Variants in VSIR observed in about 807,000 individuals in gnomAD.
VSIR encodes V-type immunoglobulin domain-containing suppressor of T-cell activation.
A neutral mutation model predicts 31.0 loss-of-function variants in VSIR; 10 were observed. The observed-to-expected ratio is 0.32, with a 90% confidence interval of 0.20 to 0.55. The LOEUF (loss-of-function observed/expected upper bound fraction) is 0.55, where lower values mean the gene tolerates loss of function less well. VSIR is among the 20% of genes least tolerant of loss of function. The pLI is 0.93. For synonymous variants in VSIR, 179 were observed against 180.1 expected (o/e 0.99, Z 0.05); for missense variants, 356 against 416.2 (o/e 0.86, Z 1.26).
At chr10:71,752,835 G>A in intron 5 of VSIR, 140 bp downstream of exon 5, 3 of 1,025,136 alleles carry the variant, frequency 2.9e-6, no homozygotes, top group Non-Finnish European at 4.2e-6. Flanking sequence ...GCACAGATGT[G>A]CAGGCTTCAG....
At chr10:71,758,395 G>A (rs1354890181) in intron 3 of VSIR, among the ~76,000 whole-genome samples, 1 of 152,168 alleles carries the variant, frequency 6.6e-6, no homozygotes, top group Admixed American at 6.5e-5. Flanking sequence ...GAGGGGTGTG[G>A]AAGCCAAGAC....
chr10:71,771,450 G>A (rs905218052), intron 1 of VSIR, among the ~76,000 whole-genome samples: 4 of 152,180 alleles, frequency 2.6e-5, no homozygotes, highest in African/African-American at 4.8e-5. Flanking sequence ...CCAGCACCTC[G>A]GCAGGCTGGT....
intron 3 of VSIR, among the ~76,000 whole-genome samples, chr10:71,759,973 A>C (rs1180254174): frequency 4.2e-5 from 4 of 95,410 alleles, no homozygotes; most frequent in Admixed American, 1.1e-4. Flanking sequence ...ATATATATAC[A>C]CACACACATA....
At chr10:71,767,096 T>C (rs1306236745) in intron 1 of VSIR, among the ~76,000 whole-genome samples, 1 of 152,236 alleles carries the variant, frequency 6.6e-6, no homozygotes, top group Non-Finnish European at 1.5e-5. Flanking sequence ...GACCTGTGCC[T>C]GAGATTTCTA....
chr10:71,760,550 G>A (rs1358710421), intron 3 of VSIR: 1 of 256,958 alleles, frequency 3.9e-6, no homozygotes. Context: ...GGGGCTGGTG[G>A]GCAGGGCGGC....
chr10:71,761,745 C>G lies in VSIR; in HGVS notation c.364G>C (p.Ala122Pro). The G allele has an allele frequency of 2.5e-6, 4 of 1,614,122 alleles. No homozygotes were observed. In the South Asian group the frequency reaches 4.4e-5, roughly 18 times the overall value. The change falls in exon 2 of 7, where the codon GCC becomes CCC. Residue 122 changes from alanine to proline, a missense_variant. Ala to Pro is a conservative substitution (Grantham distance 27, BLOSUM62 -1). Coordinates refer to ENST00000394957, the MANE Select transcript of VSIR (RefSeq NM_022153.2). ...DLAQRHGLES[A>P]SDHHGNFSIT... The stretch of plus-strand genomic sequence containing the variant: ...GAGAAGTTGCCATGGTGGTCGGAGG[C>G]CGACTCCAGCCCGTGGCGCTGAGCC...
chr10:71,762,153 C>A, intron 1 of VSIR, 127 bp from the exon 2 acceptor site: 4 of 1,093,632 alleles, frequency 3.7e-6, no homozygotes, highest in Non-Finnish European at 2.5e-6. Flanking sequence ...CAGCTGACCT[C>A]CCTAAGACTG....
intron 1 of VSIR, among the ~76,000 whole-genome samples, chr10:71,762,798 A>G (rs1840428697): frequency 6.6e-6 from 1 of 152,240 alleles, no homozygotes; most frequent in Non-Finnish European, 1.5e-5. Context: ...GACAGAGAGT[A>G]TATGAAAGGT....
At chr10:71,771,450 G>C (rs905218052) in intron 1 of VSIR, among the ~76,000 whole-genome samples, 1 of 152,180 alleles carries the variant, frequency 6.6e-6, no homozygotes, top group Admixed American at 6.5e-5. Flanking sequence ...CCAGCACCTC[G>C]GCAGGCTGGT....
chr10:71,767,501 C>G (rs1840579041), intron 1 of VSIR, among the ~76,000 whole-genome samples: 1 of 152,210 alleles, frequency 6.6e-6, no homozygotes, highest in Non-Finnish European at 1.5e-5. Context: ...ACAGGACATC[C>G]CAAAGAGAAT....
At chr10:71,753,905 T>C in intron 4 of VSIR, 1 of 456,296 alleles carries the variant, frequency 2.2e-6, no homozygotes, top group Non-Finnish European at 4.4e-6. Flanking sequence ...ACACGGGTAT[T>C]CCCTCATCTC....
chr10:71,765,292 AC>A (rs1840508308), intron 1 of VSIR, among the ~76,000 whole-genome samples: 1 of 152,148 alleles, frequency 6.6e-6, no homozygotes, highest in Non-Finnish European at 1.5e-5. Flanking sequence ...GGTAGTATTT[AC>A]CACCAGCACA....
chr10:71,752,355 T>C (rs1840025992), intron 5 of VSIR, among the ~76,000 whole-genome samples: 1 of 152,216 alleles, frequency 6.6e-6, no homozygotes, highest in South Asian at 2.1e-4. Context: ...AGGACTTCCT[T>C]CAACCTGTCT....
rs1302188034 is a variant in VSIR, at chr10:71,754,585, G to C, written c.676+774C>G. On this transcript the variant is annotated intron_variant, in intron 4 of 6. Transcript: ENST00000394957. ...CAAGGGGCACTGTCACCTGGCCAGGGTGGGAGGTGAAAGATGTTTGTGCCC... is the reference window on the plus strand; with the variant it reads ...CAAGGGGCACTGTCACCTGGCCAGGCTGGGAGGTGAAAGATGTTTGTGCCC... Among the ~76,000 whole-genome samples, 4 of 152,196 alleles carry C rather than the reference G, an allele frequency of 2.6e-5. No individual in the cohort carries two copies. In the East Asian group the frequency reaches 5.8e-4, roughly 22 times the overall value.
At chr10:71,753,320 TAC>T (rs1339072041) in intron 4 of VSIR, among the ~76,000 whole-genome samples, 1 of 152,258 alleles carries the variant, frequency 6.6e-6, no homozygotes, top group Non-Finnish European at 1.5e-5. Context: ...TGGCTTGACT[TAC>T]ACAGTGTCAG....
At chr10:71,773,019 G>A (rs370927213) in intron 1 of VSIR, among the ~76,000 whole-genome samples, 2 of 152,168 alleles carry the variant, frequency 1.3e-5, no homozygotes, top group Non-Finnish European at 2.9e-5. Context: ...CACACTGACC[G>A]CCCCCACCCT....
intron 4 of VSIR, 144 bp from the exon 5 acceptor site, chr10:71,753,146 C>T (rs1840048569): frequency 5.6e-6 from 5 of 895,650 alleles, no homozygotes; most frequent in South Asian, 5.3e-5. Flanking sequence ...TTTCTTTTCA[C>T]ATGGGTGCTG....
rs753493852 is a variant in VSIR at position 71,761,743 on chromosome 10, G to A, written c.366C>T (p.Ala122=). 19 of 1,614,020 alleles carry A rather than the reference G, an allele frequency of 1.2e-5. No homozygotes were observed. Among genetic ancestry groups the A allele is most frequent in the Non-Finnish European group, 1.5e-5 (18 of 1,180,050 alleles). The change falls in exon 2 of 7, where the codon GCC becomes GCT. Residue 122 remains alanine (A), a synonymous_variant. Transcript: ENST00000394957. Reference sequence around the variant, plus strand: ...TGGAGAAGTTGCCATGGTGGTCGGAGGCCGACTCCAGCCCGTGGCGCTGAG... The same window carrying A: ...TGGAGAAGTTGCCATGGTGGTCGGAAGCCGACTCCAGCCCGTGGCGCTGAG... ...DLAQRHGLES[A]SDHHGNFSIT...
chr10:71,770,218 T>C (rs1840655620), intron 1 of VSIR, among the ~76,000 whole-genome samples: 1 of 152,232 alleles, frequency 6.6e-6, no homozygotes, highest in African/African-American at 2.4e-5. Context: ...TATTACACAG[T>C]ATTCACGAGG....
Sources: allele counts gnomAD v4.1 joint callset (sites outside exome capture counted in the v4.1 genomes callset), GRCh38; gene constraint gnomAD v4.1.1; transcripts MANE v1.5; gene names NCBI Gene and HGNC (gene_info 2026-07-23, HGNC 2026-07-21).